GALNT13: variants seen among roughly 807,000 people sequenced by gnomAD.
GALNT13 encodes UDP-GalNAc:polypeptide N-acetylgalactosaminyltransferase 13.
Under a neutral mutation model 64.2 loss-of-function variants are expected in GALNT13, and 28 were observed. The ratio of observed to expected loss-of-function variants is 0.44; its 90% CI spans 0.32 to 0.60. The LOEUF (loss-of-function observed/expected upper bound fraction) is 0.60. GALNT13 is among the 20% of genes least tolerant of loss of function. GALNT13 has a pLI of 0.05. For missense variants in GALNT13, 577 were observed against 669.8 expected, an observed-to-expected ratio of 0.86 and a Z score of 1.53; for synonymous variants, 214 against 224.6, an observed-to-expected ratio of 0.95 and a Z score of 0.42.
chr2:153,184,982 G>T, the GALNT13 span, among the ~76,000 whole-genome samples: 1 of 152,166 alleles, frequency 6.6e-6, no homozygotes, highest in Admixed American at 6.6e-5. Context: ...CTCATCAAAT[G>T]AGTTAAGGAA....
the GALNT13 span, among the ~76,000 whole-genome samples, chr2:153,597,258 G>T: frequency 1.3e-5 from 2 of 152,046 alleles, no homozygotes; most frequent in South Asian, 2.1e-4. Context: ...GCCTAGTACA[G>T]GGCACTTCTA....
At chr2:154,003,520 G>T (rs1696050344) in intron 3 of GALNT13, among the ~76,000 whole-genome samples, 1 of 152,140 alleles carries the variant, frequency 6.6e-6, no homozygotes, top group Admixed American at 6.5e-5. Flanking sequence ...GTTGAGGGGA[G>T]TAATGCTGAG....
At chr2:153,986,529 C>T (rs73965340) in intron 3 of GALNT13, among the ~76,000 whole-genome samples, 8 of 151,944 alleles carry the variant, frequency 5.3e-5, no homozygotes, top group African/African-American at 1.4e-4. Flanking sequence ...TTTCTCAATT[C>T]GAATTTATGG....
the GALNT13 span, among the ~76,000 whole-genome samples, chr2:153,830,725 T>A: frequency 6.6e-6 from 1 of 152,160 alleles, no homozygotes; most frequent in African/African-American, 2.4e-5. Context: ...GTTATCTCTT[T>A]TTGCACAAAT....
chr2:154,421,888 T>A (rs76185508), intron 11 of GALNT13, among the ~76,000 whole-genome samples: 1 of 151,982 alleles, frequency 6.6e-6, no homozygotes, highest in Non-Finnish European at 1.5e-5. Context: ...CTCAATCTCA[T>A]AGGGAATACA....
At chr2:153,548,460 A>T in the GALNT13 span, among the ~76,000 whole-genome samples, 1 of 152,206 alleles carries the variant, frequency 6.6e-6, no homozygotes, top group Non-Finnish European at 1.5e-5. Context: ...TGTCAAATAT[A>T]CTTAACGTGA....
rs148119121 is a variant in GALNT13, at chr2:153,930,434, G to A, written c.-104-13960G>A. Among the ~76,000 whole-genome samples the A allele has an allele frequency of 1.8e-3, 281 of 152,250 alleles. 1 individual carries two copies. Among genetic ancestry groups the A allele is most frequent in the African/African-American group, 6.0e-3 (249 of 41,556 alleles). On this transcript the variant is annotated intron_variant, in intron 2 of 12. Coordinates refer to ENST00000392825, the MANE Select transcript of GALNT13 (RefSeq NM_052917.4). The stretch of plus-strand genomic sequence containing the variant: ...CTATGTCCAGAGTGGTATTTCCTAG[G>A]TTATCTCCTAGAGTTTTTATGGTTT...
chr2:153,649,709 C>T, the GALNT13 span, among the ~76,000 whole-genome samples: 5 of 152,244 alleles, frequency 3.3e-5, no homozygotes, highest in South Asian at 8.3e-4. Flanking sequence ...TTTCTGCCTT[C>T]ATTTCATTAT....
chr2:154,308,780 A>G (rs184679047), intron 9 of GALNT13, among the ~76,000 whole-genome samples: 5 of 152,288 alleles, frequency 3.3e-5, no homozygotes, highest in Admixed American at 6.5e-5. Context: ...GTGCCATGTT[A>G]TAATAACACA....
At chr2:153,280,057 G>A in the GALNT13 span, among the ~76,000 whole-genome samples, 1 of 152,040 alleles carries the variant, frequency 6.6e-6, no homozygotes, top group Non-Finnish European at 1.5e-5. Context: ...TGAAGTTGGT[G>A]TATATAGGAT....
chr2:154,158,041 A>T (rs1237090855), intron 4 of GALNT13, among the ~76,000 whole-genome samples: 1 of 152,124 alleles, frequency 6.6e-6, no homozygotes, highest in Non-Finnish European at 1.5e-5. Context: ...TTTCTGTGGC[A>T]GTCATTCCCG....
At chr2:153,940,382 T>G (rs1448393108) in intron 2 of GALNT13, among the ~76,000 whole-genome samples, 1 of 151,528 alleles carries the variant, frequency 6.6e-6, no homozygotes, top group African/African-American at 2.4e-5. Context: ...CTCTGCCTCC[T>G]GAGTAGTTGG....
chr2:153,498,487 C>T, the GALNT13 span, among the ~76,000 whole-genome samples: 3 of 152,220 alleles, frequency 2.0e-5, no homozygotes, highest in East Asian at 5.8e-4. Flanking sequence ...AGCCACTTTG[C>T]ACAGCCAGGC....
chr2:154,006,789 A>G (rs1480088578), intron 3 of GALNT13, among the ~76,000 whole-genome samples: 1 of 152,190 alleles, frequency 6.6e-6, no homozygotes, highest in Non-Finnish European at 1.5e-5. Flanking sequence ...TGTTCAGAGT[A>G]TACCAAGTAG....
the GALNT13 span, among the ~76,000 whole-genome samples, chr2:153,629,568 C>T: frequency 6.6e-6 from 1 of 152,120 alleles, no homozygotes; most frequent in Non-Finnish European, 1.5e-5. Context: ...TAGTCATTAC[C>T]ATTCAGGACA....
the GALNT13 span, among the ~76,000 whole-genome samples, chr2:153,280,831 A>G: frequency 6.6e-6 from 1 of 152,180 alleles, no homozygotes; most frequent in African/African-American, 2.4e-5. Context: ...AGAAGAATTT[A>G]TATTTGGTAG....
At chr2:153,294,837 CT>C in the GALNT13 span, among the ~76,000 whole-genome samples, 1 of 152,140 alleles carries the variant, frequency 6.6e-6, no homozygotes, top group African/African-American at 2.4e-5. Context: ...GTCACTCATC[CT>C]TTTTTTCTAC....
chr2:153,306,362 G>A, the GALNT13 span, among the ~76,000 whole-genome samples: 123,561 of 152,178 alleles, frequency 0.81, 51,237 homozygotes, highest in Non-Finnish European at 0.86. Context: ...ACTCATGTGC[G>A]ATACAATATT....
chr2:154,281,303 T>C (rs1691949366), intron 8 of GALNT13, among the ~76,000 whole-genome samples: 1 of 152,206 alleles, frequency 6.6e-6, no homozygotes, highest in Admixed American at 6.5e-5. Context: ...GTTATATTCA[T>C]ACATTTTATT....
Sources: gnomAD v4.1 joint callset for allele counts (sites outside exome capture counted in the v4.1 genomes callset) on GRCh38, gnomAD v4.1.1 for gene constraint, MANE v1.5 for transcripts, NCBI Gene and HGNC (gene_info 2026-07-23, HGNC 2026-07-21) for gene names.